The following SMIM13 variants were observed in gnomAD, a reference collection of about 807,000 sequenced individuals.
SMIM13 encodes the protein UPF0766 protein C6orf228.
In SMIM13, 3 loss-of-function variants were observed where a neutral mutation model predicts 5.9. That is an observed-to-expected ratio of 0.51 (90% CI 0.23 to 1.31). The LOEUF is 1.31. Ranked by LOEUF, SMIM13 falls within the 40% of genes most tolerant of loss-of-function variation. SMIM13 has a pLI of 0.18. For missense variants in SMIM13, 85 were observed against 109.9 expected (o/e 0.77, Z 1.01); for synonymous variants, 55 against 46.0 (o/e 1.19, Z -0.79).
intron 1 of SMIM13, among the ~76,000 whole-genome samples, chr6:11,121,169 T>C (rs1169077578): frequency 6.6e-6 from 1 of 152,216 alleles, no homozygotes; most frequent in Non-Finnish European, 1.5e-5. Flanking sequence ...CCTTTTAAGC[T>C]GAAAAACTGC....
chr6:11,112,953 A>G (rs34627199), intron 1 of SMIM13, among the ~76,000 whole-genome samples: 32,796 of 151,920 alleles, frequency 0.22, 3,890 homozygotes, highest in African/African-American at 0.31. Context: ...GATTATAGGC[A>G]CCTGCCACCA....
chr6:11,126,142 C>T (rs1033868506), intron 1 of SMIM13, among the ~76,000 whole-genome samples: 2 of 152,122 alleles, frequency 1.3e-5, no homozygotes. Flanking sequence ...CTCCGCCTCC[C>T]GGGTTCAAGC....
chr6:11,098,639 G>T (rs1389888139), intron 1 of SMIM13, among the ~76,000 whole-genome samples: 1 of 152,094 alleles, frequency 6.6e-6, no homozygotes, highest in African/African-American at 2.4e-5. Flanking sequence ...CACCATGTTG[G>T]CCAGGCTTGT....
At chr6:11,101,041 T>C (rs1000465887) in intron 1 of SMIM13, among the ~76,000 whole-genome samples, 3 of 151,778 alleles carry the variant, frequency 2.0e-5, no homozygotes, top group Non-Finnish European at 4.4e-5. Flanking sequence ...TCTTTTTTTT[T>C]TTTTTTTCTG....
Position 11,127,149 on chromosome 6 carries a change from G to A in SMIM13, c.77-7254G>A, listed in dbSNP as rs551030361. On this transcript the variant is annotated intron_variant, in intron 1 of 1. Coordinates refer to ENST00000416247, the MANE Select transcript of SMIM13 (RefSeq NM_001135575.2). ...TGACCACTGCCTGGCTGCCACTTAC[G>A]TTTGCTCAAGGCCCAAGGGCTCTAC... is the stretch of plus-strand genomic sequence containing the variant. 1.2e-3 allele frequency among the ~76,000 whole-genome samples: 181 copies of A among 152,282 alleles called. 2 individuals carry two copies. Among genetic ancestry groups the A allele is most frequent in the African/African-American group, 4.2e-3 (175 of 41,538 alleles).
intron 1 of SMIM13, chr6:11,103,634 G>A (rs1758032089): frequency 2.0e-6 from 3 of 1,481,342 alleles, no homozygotes; most frequent in Non-Finnish European, 2.7e-6. Flanking sequence ...AGGTCCACGG[G>A]AGACGGGGCA....
intron 1 of SMIM13, among the ~76,000 whole-genome samples, chr6:11,121,321 A>G (rs1184303913): frequency 6.6e-6 from 1 of 152,202 alleles, no homozygotes; most frequent in Admixed American, 6.5e-5. Flanking sequence ...AGAGTTAAGA[A>G]GTTTCTGATA....
At chr6:11,123,702 C>T (rs933433315) in intron 1 of SMIM13, among the ~76,000 whole-genome samples, 6 of 152,150 alleles carry the variant, frequency 3.9e-5, no homozygotes, top group African/African-American at 1.2e-4. Flanking sequence ...AATAATCATA[C>T]ATATTTATGG....
chr6:11,103,580 C>T, intron 1 of SMIM13: 1 of 1,417,186 alleles, frequency 7.1e-7, no homozygotes, highest in African/African-American at 1.4e-5. Flanking sequence ...TGCTAGCTGT[C>T]AGGGCAGGAT....
At chr6:11,110,627 C>A (rs1758152598) in intron 1 of SMIM13, among the ~76,000 whole-genome samples, 2 of 152,116 alleles carry the variant, frequency 1.3e-5, no homozygotes, top group South Asian at 4.1e-4. Flanking sequence ...GGGTAACATG[C>A]AGAACAAATG....
At chr6:11,117,238 A>G (rs1480086432) in intron 1 of SMIM13, among the ~76,000 whole-genome samples, 127 of 139,494 alleles carry the variant, frequency 9.1e-4, no homozygotes, top group South Asian at 5.0e-3. Flanking sequence ...ATCTCGGCTC[A>G]CTGCAAGCTC....
rs1043785555 is a variant in SMIM13 at position 11,116,164 on chromosome 6, T to G, written c.77-18239T>G. Among the ~76,000 whole-genome samples the G allele has an allele frequency of 3.7e-4, 56 of 151,872 alleles. 2 individuals are homozygous for G. Among genetic ancestry groups the G allele is most frequent in the Non-Finnish European group, 2.9e-5 (2 of 67,966 alleles). ...TCCCAAGTAGCTGGGACTACAGGCA[T>G]GCAGTACCACACACAGCTAATTTTT... On this transcript the variant is annotated intron_variant, in intron 1 of 1. Coordinates refer to ENST00000416247, the MANE Select transcript of SMIM13 (RefSeq NM_001135575.2).
chr6:11,100,245 G>T (rs1224318178), intron 1 of SMIM13, among the ~76,000 whole-genome samples: 2 of 151,812 alleles, frequency 1.3e-5, no homozygotes, highest in Non-Finnish European at 2.9e-5. Flanking sequence ...TACTTTTAGT[G>T]GAGATGAGGT....
chr6:11,103,434 G>A, intron 1 of SMIM13: 2 of 464,796 alleles, frequency 4.3e-6, no homozygotes, highest in South Asian at 5.4e-5. Flanking sequence ...TGTCTGACTA[G>A]CTACCTGCTC....
intron 1 of SMIM13, among the ~76,000 whole-genome samples, chr6:11,098,211 T>C (rs1352234215): frequency 6.6e-6 from 1 of 152,200 alleles, no homozygotes; most frequent in Non-Finnish European, 1.5e-5. Context: ...TAGGCAGGTT[T>C]CCCTTCTGTC....
intron 1 of SMIM13, among the ~76,000 whole-genome samples, chr6:11,121,928 C>T (rs1318902575): frequency 6.6e-6 from 1 of 152,138 alleles, no homozygotes; most frequent in South Asian, 2.1e-4. Context: ...TACACCGTCT[C>T]ACTAGTAAAT....
rs1375786479 is a variant in SMIM13 at position 11,103,604 on chromosome 6, G to A, written c.76+9215G>A. 3.4e-6 allele frequency: 5 copies of A among 1,457,766 alleles called. No homozygotes were observed. In the Admixed American group the frequency reaches 1.4e-4, roughly 40 times the overall value. 90.3% of individuals were successfully genotyped at this position (1,457,766 alleles called of 1,614,324 possible). A position where few individuals can be genotyped will look rare whatever the true frequency, so the allele number is the denominator to read the frequency against. On this transcript the variant is annotated intron_variant, in intron 1 of 1. Coordinates refer to ENST00000416247, the MANE Select transcript of SMIM13 (RefSeq NM_001135575.2). ...TCAGGGCAGGATGGCTCTGTGGATT[G>A]GCAAAAACCATATCCAGCCAGGTCC... is the stretch of plus-strand genomic sequence containing the variant.
At chr6:11,109,300 G>C (rs775375692) in intron 1 of SMIM13, among the ~76,000 whole-genome samples, 2 of 152,202 alleles carry the variant, frequency 1.3e-5, no homozygotes, top group Non-Finnish European at 2.9e-5. Flanking sequence ...ATTTGGCTCA[G>C]GTCTTGCACA....
At chr6:11,121,395 C>G (rs1758308216) in intron 1 of SMIM13, among the ~76,000 whole-genome samples, 1 of 152,176 alleles carries the variant, frequency 6.6e-6, no homozygotes, top group Non-Finnish European at 1.5e-5. Flanking sequence ...TGTAGGCATG[C>G]AGGGTGCAAT....
Sources: allele counts gnomAD v4.1 joint callset (sites outside exome capture counted in the v4.1 genomes callset), GRCh38; gene constraint gnomAD v4.1.1; transcripts MANE v1.5; gene names NCBI Gene and HGNC (gene_info 2026-07-23, HGNC 2026-07-21).